The following LAMB1 variants were observed in gnomAD, a reference collection of about 807,000 sequenced individuals.
LAMB1 encodes the protein laminin subunit beta 1, also known as laminin subunit beta-1.
LAMB1 carries 121 observed loss-of-function variants against 222.3 expected under a neutral mutation model. The observed-to-expected ratio is 0.54, with a 90% CI of 0.47 to 0.63. LAMB1 has a LOEUF of 0.63. LAMB1 is among the 30% of genes least tolerant of loss of function. The pLI is 0.00. For missense variants in LAMB1, 2,172 were observed against 2,240.8 expected (o/e 0.97, Z 0.62); for synonymous variants, 794 against 807.2 (o/e 0.98, Z 0.28).
At chr7:107,962,531 T>G (rs546114980) in intron 15 of LAMB1, among the ~76,000 whole-genome samples, 43 of 152,032 alleles carry the variant, frequency 2.8e-4, no homozygotes, top group Non-Finnish European at 5.4e-4. Flanking sequence ...CTGGCCAACA[T>G]GGCGAAACCC....
intron 24 of LAMB1, among the ~76,000 whole-genome samples, chr7:107,950,552 T>G (rs1026143585): frequency 1.3e-5 from 2 of 152,212 alleles, no homozygotes; most frequent in Non-Finnish European, 2.9e-5. Context: ...TTCCATCTTT[T>G]TTTGTTTGTT....
intron 5 of LAMB1, among the ~76,000 whole-genome samples, chr7:107,993,020 A>AAGG (rs1187414667): frequency 2.0e-5 from 3 of 152,190 alleles, no homozygotes; most frequent in Non-Finnish European, 2.9e-5. Flanking sequence ...ACATGCCAAG[A>AAGG]AGGAGCAGGC....
chr7:107,929,823 T>C (rs1184447902), intron 29 of LAMB1: 9 of 592,218 alleles, frequency 1.5e-5, no homozygotes, highest in East Asian at 5.6e-5. Flanking sequence ...CTGCAGACAA[T>C]TGAGTACTAC....
intron 13 of LAMB1, among the ~76,000 whole-genome samples, chr7:107,969,287 CAA>C (rs367658684): frequency 9.0e-4 from 77 of 85,888 alleles, no homozygotes; most frequent in African/African-American, 2.2e-3. Flanking sequence ...GACTCCGTCT[CAA>C]AAAAAAAAAA....
At chr7:107,962,655 A>C (rs1402219353) in intron 15 of LAMB1, among the ~76,000 whole-genome samples, 1 of 150,558 alleles carries the variant, frequency 6.6e-6, no homozygotes, top group Admixed American at 6.6e-5. Flanking sequence ...CGGAGATTGC[A>C]GTGAGCCGAG....
chr7:108,001,489 G>C (rs1416344183), intron 3 of LAMB1, 69 bp downstream of exon 3: 1 of 1,464,876 alleles, frequency 6.8e-7, no homozygotes, highest in Non-Finnish European at 9.1e-7. Context: ...GGAGTCCCCA[G>C]GGCCTGCCCC....
At chr7:107,926,129 G>T in intron 32 of LAMB1, 54 bp downstream of exon 32, 3 of 1,397,198 alleles carry the variant, frequency 2.1e-6, no homozygotes, top group Non-Finnish European at 3.0e-6. Flanking sequence ...AGGCAAGGAG[G>T]AGACTGGTGG....
At chr7:107,961,431 A>C in intron 16 of LAMB1, 102 bp from the exon 17 acceptor site, 5 of 1,573,204 alleles carry the variant, frequency 3.2e-6, no homozygotes, top group Non-Finnish European at 4.3e-6. Flanking sequence ...TTCCAAAGGA[A>C]AAAAGTCAGC....
At chr7:107,935,007 C>T (rs912371630) in intron 27 of LAMB1, among the ~76,000 whole-genome samples, 6 of 151,662 alleles carry the variant, frequency 4.0e-5, no homozygotes, top group African/African-American at 1.2e-4. Flanking sequence ...GCTGGAGACC[C>T]GGAGTTCAAG....
At chr7:107,964,519 C>A (rs772472598) in intron 14 of LAMB1, 33 bp downstream of exon 14, 2 of 1,613,496 alleles carry the variant, frequency 1.2e-6, no homozygotes, top group African/African-American at 2.7e-5. Context: ...CAAAACACTG[C>A]TTTACCGACC....
intron 31 of LAMB1, among the ~76,000 whole-genome samples, chr7:107,926,644 C>A (rs1370219639): frequency 6.6e-6 from 1 of 152,068 alleles, no homozygotes; most frequent in African/African-American, 2.4e-5. Flanking sequence ...CCCCACCTCC[C>A]CAAGGAGCAT....
At chr7:107,991,905 C>CAAAAAA (rs71134302) in intron 5 of LAMB1, among the ~76,000 whole-genome samples, 3 of 91,954 alleles carry the variant, frequency 3.3e-5, no homozygotes, top group African/African-American at 8.4e-5. Flanking sequence ...GACTTCGTCT[C>CAAAAAA]AAAAAAAAAA....
chr7:107,994,600 G>A (rs2034249364), intron 5 of LAMB1, among the ~76,000 whole-genome samples: 1 of 152,048 alleles, frequency 6.6e-6, no homozygotes, highest in African/African-American at 2.4e-5. Context: ...TTTGGAAAAG[G>A]GTCAACACTG....
intron 24 of LAMB1, among the ~76,000 whole-genome samples, chr7:107,948,117 G>A (rs1172118811): frequency 6.6e-6 from 1 of 151,170 alleles, no homozygotes; most frequent in Non-Finnish European, 1.5e-5. Flanking sequence ...CTCCCAAGTA[G>A]CTGGGATTAT....
At chr7:107,967,316 G>A (rs1298381587) in intron 13 of LAMB1, among the ~76,000 whole-genome samples, 1 of 152,136 alleles carries the variant, frequency 6.6e-6, no homozygotes, top group Non-Finnish European at 1.5e-5. Context: ...CACTGCGTCA[G>A]TCCAGGATGG....
chr7:107,937,264 C>G lies in LAMB1; in HGVS notation c.3775G>C (p.Asp1259His), dbSNP rs778820926. ...LFEEAEKLIKDVTEMMAQVEV... is the reference protein window; with the variant it reads ...LFEEAEKLIKHVTEMMAQVEV... The stretch of plus-strand genomic sequence containing the variant: ...ACTTGAGCCATCATTTCTGTAACAT[C>G]TTTAATCAGTTTCCTGTAAAGAGAA... Residue 1259 changes from aspartate to histidine, a missense_variant, in exon 26 of 34, where the codon GAT becomes CAT. Transcript: ENST00000222399. The G allele has an allele frequency of 6.2e-7, 1 of 1,613,144 alleles. No individual in the cohort carries two copies. Among genetic ancestry groups the G allele is most frequent in the Non-Finnish European group, 8.5e-7 (1 of 1,179,584 alleles).
At chr7:107,975,529 A>T in intron 10 of LAMB1, 116 bp from the exon 11 acceptor site, 1 of 1,250,904 alleles carries the variant, frequency 8.0e-7, no homozygotes, top group South Asian at 1.5e-5. Context: ...TAAAAGCAGC[A>T]CAACTACCAA....
intron 22 of LAMB1, among the ~76,000 whole-genome samples, chr7:107,952,427 T>TC (rs1375861306): frequency 6.6e-6 from 1 of 152,180 alleles, no homozygotes; most frequent in Non-Finnish European, 1.5e-5. Flanking sequence ...TTCTGACATT[T>TC]CCCAGATACA....
chr7:107,976,088 T>G (rs1021190563), intron 9 of LAMB1, among the ~76,000 whole-genome samples: 1 of 152,054 alleles, frequency 6.6e-6, no homozygotes, highest in Non-Finnish European at 1.5e-5. Flanking sequence ...GTGAACTTTA[T>G]AAAATAAACA....
Sources: allele counts gnomAD v4.1 joint callset (sites outside exome capture counted in the v4.1 genomes callset), GRCh38; gene constraint gnomAD v4.1.1; transcripts MANE v1.5; gene names NCBI Gene and HGNC (gene_info 2026-07-23, HGNC 2026-07-21).